NPNT: variants seen among roughly 807,000 people sequenced by gnomAD.
NPNT encodes nephronectin.
A neutral mutation model predicts 68.6 loss-of-function variants in NPNT; 45 were observed. The ratio of observed to expected loss-of-function variants is 0.66; its 90% CI spans 0.52 to 0.84. The LOEUF is 0.84. Among genes scored for constraint, NPNT ranks in the 40% least tolerant of loss-of-function variants. The pLI, the probability that NPNT is intolerant of heterozygous loss-of-function variation, is 0.00. For missense variants in NPNT, 672 were observed against 714.8 expected (o/e 0.94, Z 0.68); for synonymous variants, 233 against 253.3 (o/e 0.92, Z 0.76).
At chr4:105,945,243 T>G (rs1424976110) in intron 8 of NPNT, among the ~76,000 whole-genome samples, 1 of 152,194 alleles carries the variant, frequency 6.6e-6, no homozygotes, top group Non-Finnish European at 1.5e-5. Context: ...GAGCTTTTCC[T>G]TATAATGTAT....
Position 105,971,124 on chromosome 4 carries a change from A to C in NPNT, c.*2134A>C, listed in dbSNP as rs1396466196. 4.4e-6 allele frequency: 2 copies of C among 452,496 alleles called. No homozygotes were observed. The highest frequency in any genetic ancestry group is 8.9e-6 in the Non-Finnish European group (2 of 224,350). The allele number at this position is 452,496 out of a possible 1,614,324, so 28.0% of individuals were successfully genotyped here. A position where few individuals can be genotyped will look rare whatever the true frequency, so the allele number is the denominator to read the frequency against. The stretch of plus-strand genomic sequence containing the variant: ...TTTTTTTTTTTTAAGAGATCCTTCA[A>C]GGAACACAGTTCAGAGAGATTTTCA... On this transcript the variant is annotated 3_prime_UTR_variant, in exon 12 of 12. Transcript: ENST00000379987.
rs750331445 is a variant in NPNT at position 105,942,486 on chromosome 4, A to T, written c.943A>T (p.Thr315Ser). The change falls in exon 8 of 12, where the codon ACA becomes TCA. Residue 315 changes from threonine to serine, a missense_variant. Thr to Ser is a moderately conservative substitution (Grantham distance 58, BLOSUM62 1). Transcript: ENST00000379987. Reference protein sequence around the residue: ...IITNRPTSKPTTRPTPKPTPI... With the variant: ...IITNRPTSKPSTRPTPKPTPI... ...TACCAACAGGCCTACTTCTAAGCCA[A>T]CAACAAGACCTACACCAAAGCCAAC... 14 of 1,613,314 alleles carry T rather than the reference A, an allele frequency of 8.7e-6. No homozygotes were observed. The East Asian group carries it at 2.7e-4, about 31-fold the overall frequency.
At chr4:105,955,023 G>A (rs1731109471) in intron 8 of NPNT, among the ~76,000 whole-genome samples, 1 of 152,216 alleles carries the variant, frequency 6.6e-6, no homozygotes, top group Non-Finnish European at 1.5e-5. Context: ...ATAAATGAGT[G>A]GATGGAGTAG....
intron 2 of NPNT, 52 bp from the exon 3 acceptor site, chr4:105,927,284 T>G: frequency 3.6e-6 from 4 of 1,111,844 alleles, no homozygotes; most frequent in South Asian, 1.3e-5. Flanking sequence ...CAATGCTATA[T>G]GATTGGTGTT....
At chr4:105,918,185 A>G (rs1727968583) in intron 2 of NPNT, among the ~76,000 whole-genome samples, 2 of 152,216 alleles carry the variant, frequency 1.3e-5, no homozygotes, top group African/African-American at 2.4e-5. Context: ...AGCAAACTAA[A>G]AACACCTGAA....
In NPNT at chr4:105,947,281, C is replaced by T. The variant is rs1400809160; in HGVS notation, c.1159+4579C>T. ...TATTGTTCAAACACACGTTTTACAA[C>T]CAATTTGTACAGTTAACACAATTAT... On this transcript the variant is annotated intron_variant, in intron 8 of 11. Transcript: ENST00000379987. 2.0e-5 allele frequency among the ~76,000 whole-genome samples: 3 copies of T among 152,240 alleles called. No individual in the cohort carries two copies. The East Asian group carries it at 5.8e-4, about 29-fold the overall frequency.
At chr4:105,927,101 C>T (rs1728740210) in intron 2 of NPNT, 5 of 282,158 alleles carry the variant, frequency 1.8e-5, no homozygotes, top group Non-Finnish European at 3.3e-5. Flanking sequence ...GAGTATTGTC[C>T]TTGAATTTAA....
At chr4:105,955,262 A>G (rs1731129086) in intron 8 of NPNT, among the ~76,000 whole-genome samples, 1 of 152,204 alleles carries the variant, frequency 6.6e-6, no homozygotes, top group Admixed American at 6.5e-5. Flanking sequence ...ATCATGTACC[A>G]ATGTCTATCC....
In NPNT at chr4:105,940,554, C is replaced by T. The variant is rs751193991; in HGVS notation, c.681C>T (p.Ser227=). The change falls in exon 7 of 12, where the codon AGC becomes AGT. Residue 227 remains serine, a synonymous_variant. Transcript: ENST00000379987. ...CACTTGGTCAGTATCAGTGCAGCAG[C>T]TTTGCTCGATGTTATAACATACGTG... is the stretch of plus-strand genomic sequence containing the variant. ...ECSLGQYQCS[S]FARCYNIRGS... 6.8e-6 allele frequency: 11 copies of T among 1,612,858 alleles called. No homozygotes were observed. The highest frequency in any genetic ancestry group is 3.3e-5 in the Admixed American group (2 of 59,916).
At chr4:105,912,024 A>ACCT in intron 2 of NPNT, 1 of 600,738 alleles carries the variant, frequency 1.7e-6, no homozygotes, top group East Asian at 3.0e-5. Context: ...TGACTAAAAT[A>ACCT]TTACTATTTT....
At chr4:105,913,801 G>A (rs1008716741) in intron 2 of NPNT, among the ~76,000 whole-genome samples, 1 of 152,100 alleles carries the variant, frequency 6.6e-6, no homozygotes, top group African/African-American at 2.4e-5. Flanking sequence ...CTTCTGAACC[G>A]TTTTTCCCAT....
intron 2 of NPNT, among the ~76,000 whole-genome samples, chr4:105,898,356 C>G (rs886383040): frequency 1.4e-5 from 2 of 146,314 alleles, no homozygotes; most frequent in South Asian, 2.2e-4. Context: ...CTCTCTCTCT[C>G]TCTCTCTCTC....
intron 11 of NPNT, 31 bp downstream of exon 11, chr4:105,967,475 G>A: frequency 6.6e-7 from 1 of 1,510,840 alleles, no homozygotes; most frequent in Non-Finnish European, 8.8e-7. Flanking sequence ...GGCAGGACCT[G>A]GGACGTTTTC....
At chr4:105,924,047 C>CCCCCGG (rs1553977501) in intron 2 of NPNT, among the ~76,000 whole-genome samples, 1 of 151,752 alleles carries the variant, frequency 6.6e-6, no homozygotes, top group South Asian at 2.1e-4. Context: ...GCGCCCCCCC[C>CCCCCGG]CCACCACTTT....
intron 10 of NPNT, 74 bp from the exon 11 acceptor site, chr4:105,967,114 A>T (rs1381504646): frequency 7.0e-7 from 1 of 1,430,024 alleles, no homozygotes. Flanking sequence ...AAAAAAACTA[A>T]AACTCCTGTC....
At chr4:105,963,946 A>G (rs1731928246) in intron 10 of NPNT, among the ~76,000 whole-genome samples, 1 of 152,038 alleles carries the variant, frequency 6.6e-6, no homozygotes, top group South Asian at 2.1e-4. Flanking sequence ...TTTGGATACA[A>G]TGGCATTCTC....
At chr4:105,958,640 G>A (rs1731434748) in intron 9 of NPNT, 83 bp downstream of exon 9, 1 of 730,736 alleles carries the variant, frequency 1.4e-6, no homozygotes, top group South Asian at 2.8e-5. Context: ...TAGATCGTTT[G>A]GACCATTTGG....
chr4:105,899,405 T>A (rs1726216938), intron 2 of NPNT, among the ~76,000 whole-genome samples: 1 of 152,186 alleles, frequency 6.6e-6, no homozygotes, highest in Non-Finnish European at 1.5e-5. Flanking sequence ...CTTCTGATAC[T>A]ACAGAAGACT....
At chr4:105,967,124 C>T (rs1005706847) in intron 10 of NPNT, 64 bp from the exon 11 acceptor site, 2 of 1,458,124 alleles carry the variant, frequency 1.4e-6, no homozygotes, top group Non-Finnish European at 9.4e-7. Flanking sequence ...AAACTCCTGT[C>T]CATGCTGCTT....
Sources: gnomAD v4.1 joint callset for allele counts (sites outside exome capture counted in the v4.1 genomes callset) on GRCh38, gnomAD v4.1.1 for gene constraint, MANE v1.5 for transcripts, NCBI Gene and HGNC (gene_info 2026-07-23, HGNC 2026-07-21) for gene names.